Variants in JPH3 observed in about 807,000 individuals in gnomAD.
JPH3 encodes the protein junctophilin-3.
Under a neutral mutation model 59.6 loss-of-function variants are expected in JPH3, and 11 were observed. That is an observed-to-expected ratio of 0.18 (90% CI 0.12 to 0.31). JPH3 has a LOEUF of 0.31. Among genes scored for constraint, JPH3 ranks in the 10% least tolerant of loss-of-function variants. The pLI is 1.00. For missense variants in JPH3, 1,202 were observed against 1,105.7 expected (o/e 1.09, Z -1.24); for synonymous variants, 673 against 483.6 (o/e 1.39, Z -5.14).
intron 2 of JPH3, among the ~76,000 whole-genome samples, chr16:87,648,532 G>C (rs940172215): frequency 2.0e-5 from 3 of 152,230 alleles, no homozygotes; most frequent in Admixed American, 2.0e-4. Context: ...CCTCCGCGGA[G>C]TGCCGGGCCC....
chr16:87,683,390 C>T (rs1319833679), intron 2 of JPH3, among the ~76,000 whole-genome samples: 4 of 152,084 alleles, frequency 2.6e-5, no homozygotes, highest in South Asian at 2.1e-4. Flanking sequence ...CTGCAACTTC[C>T]GCCTCCCAGG....
intron 2 of JPH3, among the ~76,000 whole-genome samples, chr16:87,653,268 A>G (rs936525908): frequency 1.3e-5 from 2 of 152,182 alleles, no homozygotes; most frequent in African/African-American, 4.8e-5. Flanking sequence ...TTGTGTCTCC[A>G]GCACCTGCCG....
intron 3 of JPH3, among the ~76,000 whole-genome samples, chr16:87,688,248 C>T (rs2033465546): frequency 6.6e-6 from 1 of 152,176 alleles, no homozygotes; most frequent in Admixed American, 6.5e-5. Context: ...GCCACCCACC[C>T]AGAGCTACCC....
intron 2 of JPH3, among the ~76,000 whole-genome samples, chr16:87,659,397 AAG>A (rs1491031726): frequency 0.11 from 14,340 of 128,506 alleles, 2,281 homozygotes; most frequent in South Asian, 0.21. Context: ...GAAAAAAAAA[AAG>A]AAAACTACAC....
chr16:87,669,157 G>A (rs2032951838), intron 2 of JPH3, among the ~76,000 whole-genome samples: 1 of 152,206 alleles, frequency 6.6e-6, no homozygotes, highest in Admixed American at 6.5e-5. Flanking sequence ...TCTCTGCAGG[G>A]GAGGTGCAGG....
At chr16:87,637,182 A>G (rs977772443) in intron 1 of JPH3, among the ~76,000 whole-genome samples, 15 of 152,104 alleles carry the variant, frequency 9.9e-5, no homozygotes, top group African/African-American at 3.6e-4. Flanking sequence ...CCCTCACCTC[A>G]CTACGTTGTT....
intron 2 of JPH3, among the ~76,000 whole-genome samples, chr16:87,656,173 A>C (rs2032495669): frequency 6.6e-6 from 1 of 152,232 alleles, no homozygotes; most frequent in South Asian, 2.1e-4. Flanking sequence ...CCTATCTCAG[A>C]GCACACTCTG....
chr16:87,657,943 G>T (rs1026729408), intron 2 of JPH3, among the ~76,000 whole-genome samples: 8 of 152,198 alleles, frequency 5.3e-5, no homozygotes, highest in African/African-American at 1.9e-4. Flanking sequence ...GGGATGGACA[G>T]CTGTCTCTAC....
chr16:87,696,368 G>A (rs8053782), intron 4 of JPH3: 4 of 592,224 alleles, frequency 6.8e-6, no homozygotes, highest in Admixed American at 3.0e-5. Flanking sequence ...AACCTCAGAC[G>A]TACAGGCAGC....
intron 2 of JPH3, among the ~76,000 whole-genome samples, chr16:87,679,022 G>T (rs2033220313): frequency 6.6e-6 from 1 of 152,196 alleles, no homozygotes; most frequent in Admixed American, 6.5e-5. Flanking sequence ...CATTACCGTA[G>T]CCCGGGACAC....
intron 2 of JPH3, among the ~76,000 whole-genome samples, chr16:87,676,605 G>A (rs575905229): frequency 2.0e-5 from 3 of 151,754 alleles, no homozygotes; most frequent in East Asian, 1.9e-4. Context: ...ATGGTGGTGC[G>A]CGCCTGTAAT....
intron 2 of JPH3, among the ~76,000 whole-genome samples, chr16:87,676,029 G>A (rs2150869520): frequency 6.6e-6 from 1 of 152,368 alleles, no homozygotes; most frequent in South Asian, 2.1e-4. Flanking sequence ...TGGATATGGG[G>A]TTTCTGTCGC....
Position 87,644,389 on chromosome 16 carries a change from A to G in JPH3, c.514A>G (p.Thr172Ala). Residue 172 changes from threonine (T) to alanine (A), a missense_variant, in exon 2 of 5, where the codon ACC becomes GCC. Coordinates refer to ENST00000284262, the MANE Select transcript of JPH3 (RefSeq NM_020655.4). ...TSINSLRSEHTNGTALHPDAS... is the reference protein window; with the variant it reads ...TSINSLRSEHANGTALHPDAS... Reference sequence around the variant, plus strand: ...CATCAACTCCCTGCGCAGCGAGCACACCAACGGCACGGCGCTGCATCCCGA... The same window carrying G: ...CATCAACTCCCTGCGCAGCGAGCACGCCAACGGCACGGCGCTGCATCCCGA... 1 of 1,612,742 alleles carries G rather than the reference A, an allele frequency of 6.2e-7. No homozygotes were observed. The highest frequency in any genetic ancestry group is 8.5e-7 in the Non-Finnish European group (1 of 1,179,818).
chr16:87,663,658 C>T (rs8058906), intron 2 of JPH3, among the ~76,000 whole-genome samples: 33,733 of 151,988 alleles, frequency 0.22, 4,205 homozygotes, highest in South Asian at 0.33. Flanking sequence ...CAGCCCCAGC[C>T]GCCCCAGGGA....
At chr16:87,626,639 G>A (rs1223394120) in intron 1 of JPH3, among the ~76,000 whole-genome samples, 2 of 152,254 alleles carry the variant, frequency 1.3e-5, no homozygotes, top group East Asian at 1.9e-4. Context: ...CTCGGCCTGA[G>A]GCCGCCACAC....
chr16:87,655,875 C>T (rs1270183790), intron 2 of JPH3, among the ~76,000 whole-genome samples: 1 of 152,212 alleles, frequency 6.6e-6, no homozygotes, highest in Non-Finnish European at 1.5e-5. Context: ...GTGAGCCTGG[C>T]CCTGAGTCCG....
At chr16:87,641,150 G>A (rs2031937534) in intron 1 of JPH3, among the ~76,000 whole-genome samples, 1 of 152,248 alleles carries the variant, frequency 6.6e-6, no homozygotes, top group Non-Finnish European at 1.5e-5. Flanking sequence ...CTCTGGGCAA[G>A]AGGCTGAGGC....
chr16:87,695,855 G>A (rs1196116993), intron 4 of JPH3: 1 of 456,098 alleles, frequency 2.2e-6, no homozygotes, highest in South Asian at 1.5e-5. Context: ...CAGGGAAGGT[G>A]GCAGCTTGGT....
intron 1 of JPH3, among the ~76,000 whole-genome samples, chr16:87,610,225 A>G (rs1022956957): frequency 1.3e-5 from 2 of 152,028 alleles, no homozygotes; most frequent in Admixed American, 1.3e-4. Flanking sequence ...TTGCTTACTC[A>G]CTCGCCACTC....
Sources: allele counts gnomAD v4.1 joint callset (sites outside exome capture counted in the v4.1 genomes callset), GRCh38; gene constraint gnomAD v4.1.1; transcripts MANE v1.5; gene names NCBI Gene and HGNC (gene_info 2026-07-23, HGNC 2026-07-21).